The following DZIP3 variants were observed in gnomAD, a reference collection of about 807,000 sequenced individuals.
DZIP3 encodes DAZ interacting zinc finger protein 3.
Under a neutral mutation model 162.0 loss-of-function variants are expected in DZIP3, and 118 were observed. The ratio of observed to expected loss-of-function variants is 0.73; its 90% CI spans 0.63 to 0.85. The LOEUF is 0.85. DZIP3 is among the 40% of genes least tolerant of loss of function. The pLI is 0.00. For missense variants in DZIP3, 1,331 were observed against 1,407.0 expected (o/e 0.95, Z 0.86); for synonymous variants, 438 against 458.6 (o/e 0.96, Z 0.57).
At chr3:108,690,766 A>G (rs1944660515) in intron 31 of DZIP3, 21 bp from the exon 32 acceptor site, 3 of 1,609,788 alleles carry the variant, frequency 1.9e-6, no homozygotes, top group East Asian at 4.5e-5. Context: ...AGAGACTGAC[A>G]TAAATCTTTT....
intron 14 of DZIP3, among the ~76,000 whole-genome samples, chr3:108,645,920 G>A (rs1165945302): frequency 6.6e-6 from 1 of 152,156 alleles, no homozygotes; most frequent in East Asian, 1.9e-4. Flanking sequence ...TAATTCATGA[G>A]AATAGAGTAT....
chr3:108,642,342 A>G lies in DZIP3; in HGVS notation c.1065-96A>G, dbSNP rs567105673. On this transcript the variant is annotated intron_variant, in intron 12 of 32. Coordinates refer to ENST00000361582, the MANE Select transcript of DZIP3 (RefSeq NM_014648.4). ...CTTCTTGAATTATTTCTAGGAGAAG[A>G]TGAAAATACTCACTTAGCCATGCTC... 3.5e-5 allele frequency: 44 copies of G among 1,260,844 alleles called. 1 individual carries two copies. The South Asian group carries it at 6.2e-4, about 18-fold the overall frequency. The allele number at this position is 1,260,844 out of a possible 1,614,324, so 78.1% of individuals were successfully genotyped here. A position where few individuals can be genotyped will look rare whatever the true frequency, so the allele number is the denominator to read the frequency against.
At chr3:108,595,374 C>T (rs953927056) in intron 1 of DZIP3, among the ~76,000 whole-genome samples, 5 of 152,120 alleles carry the variant, frequency 3.3e-5, no homozygotes, top group Non-Finnish European at 7.4e-5. Context: ...TGCACCACCA[C>T]ACCTGCCTAA....
intron 1 of DZIP3, among the ~76,000 whole-genome samples, chr3:108,592,825 A>G (rs1413561038): frequency 6.6e-6 from 1 of 151,986 alleles, no homozygotes; most frequent in Non-Finnish European, 1.5e-5. Context: ...GTTTATTCTA[A>G]TAGAGATTGG....
intron 21 of DZIP3, among the ~76,000 whole-genome samples, chr3:108,663,556 C>CAA (rs200932139): frequency 0.018 from 1,896 of 104,624 alleles, 20 homozygotes; most frequent in Non-Finnish European, 0.027. Flanking sequence ...AAGTCTGTCT[C>CAA]AAAAAAAAAA....
At chr3:108,589,636 G>A (rs559183709), upstream of DZIP3, 133 of 336,252 alleles carry the variant, frequency 4.0e-4, 1 homozygote, top group Non-Finnish European at 3.3e-5. Flanking sequence ...CTGAGAGGCC[G>A]CGAGGTTTCG....
At chr3:108,686,046 A>G (rs1479319570) in intron 27 of DZIP3, among the ~76,000 whole-genome samples, 2 of 152,190 alleles carry the variant, frequency 1.3e-5, no homozygotes, top group East Asian at 3.8e-4. Context: ...TTCTCTATAG[A>G]TGTAAGGTTT....
chr3:108,631,814 A>G (rs1941904377), intron 8 of DZIP3, among the ~76,000 whole-genome samples: 9 of 151,056 alleles, frequency 6.0e-5, no homozygotes, highest in Admixed American at 5.9e-4. Context: ...TGTTAAGGAT[A>G]TTTCCTGTAT....
chr3:108,654,270 A>G lies in DZIP3; in HGVS notation c.2159A>G (p.Tyr720Cys), dbSNP rs1559760513. The change falls in exon 19 of 33, where the codon TAT becomes TGT. Residue 720 changes from tyrosine to cysteine, a missense_variant. Coordinates refer to ENST00000361582, the MANE Select transcript of DZIP3 (RefSeq NM_014648.4). ...QEDSAMEDKF[Y>C]SLDELHILDM... ...GATTCTGCAATGGAAGACAAGTTCT[A>G]TAGCCTGGATGAATTGCATATTCTG... is the stretch of plus-strand genomic sequence containing the variant. The G allele has an allele frequency of 6.2e-7, 1 of 1,613,802 alleles. No individual in the cohort carries two copies. The highest frequency in any genetic ancestry group is 8.5e-7 in the Non-Finnish European group (1 of 1,179,718).
Position 108,642,532 on chromosome 3 carries a change from T to C in DZIP3, c.1141+18T>C. ...TACAAAAGGTATTATTTTATTTTTA[T>C]ATGCCTTCTGTTGAAAAGTATGTTA... is the stretch of plus-strand genomic sequence containing the variant. On this transcript the variant is annotated intron_variant, in intron 13 of 32. Transcript: ENST00000361582. The C allele has an allele frequency of 7.0e-7, 1 of 1,437,456 alleles. No individual in the cohort carries two copies. Among genetic ancestry groups the C allele is most frequent in the South Asian group, 1.3e-5 (1 of 75,782 alleles). 89.0% of individuals were successfully genotyped at this position (1,437,456 alleles called of 1,614,324 possible).
chr3:108,641,236 A>T (rs1230210296), intron 12 of DZIP3, among the ~76,000 whole-genome samples: 3 of 151,996 alleles, frequency 2.0e-5, no homozygotes, highest in Non-Finnish European at 1.5e-5. Flanking sequence ...CATATGTTTT[A>T]CTTCTACTTA....
chr3:108,657,812 A>G (rs1004092233), intron 19 of DZIP3, among the ~76,000 whole-genome samples: 7 of 152,210 alleles, frequency 4.6e-5, no homozygotes, highest in Non-Finnish European at 7.3e-5. Flanking sequence ...AAGCAAATGG[A>G]AAACAAAAAA....
chr3:108,669,485 G>A (rs1447123627), intron 21 of DZIP3, among the ~76,000 whole-genome samples, 196 bp from the exon 22 acceptor site: 1 of 151,846 alleles, frequency 6.6e-6, no homozygotes, highest in African/African-American at 2.4e-5. Context: ...TCTTTGGGAA[G>A]TCAGTAAATC....
intron 1 of DZIP3, among the ~76,000 whole-genome samples, chr3:108,596,667 T>C (rs1278841732): frequency 6.6e-6 from 1 of 152,220 alleles, no homozygotes; most frequent in Non-Finnish European, 1.5e-5. Context: ...GCTCCCTCTT[T>C]ACATCTGCCT....
At chr3:108,674,026 T>G (rs1944013663) in intron 23 of DZIP3, 52 bp from the exon 24 acceptor site, 1 of 1,321,888 alleles carries the variant, frequency 7.6e-7, no homozygotes, top group Non-Finnish European at 1.1e-6. Context: ...AAGAGAATGT[T>G]CCTTTACAAG....
chr3:108,633,019 C>G lies in DZIP3; in HGVS notation c.763C>G (p.Leu255Val), dbSNP rs1205538472. The change falls in exon 9 of 33, where the codon CTA (leucine) becomes GTA (valine). Residue 255 changes from leucine (L) to valine (V), a missense_variant. Around this residue, in one of 2 missense-constraint regions of DZIP3, gnomAD observed 1,278 missense variants for 1,317.1 expected, o/e 0.97. Transcript: ENST00000361582. ...AATGAAGCAGACGATTTGTAGTTAC[C>G]TAGATTGTGAACGATCTTGTGAAGC... ...NIMKQTICSYLDCERSCEADI... is the reference protein window; with the variant it reads ...NIMKQTICSYVDCERSCEADI... The G allele has an allele frequency of 1.3e-6, 2 of 1,508,032 alleles. No homozygotes were observed. The highest frequency in any genetic ancestry group is 2.9e-5 in the South Asian group (2 of 69,390). The allele number at this position is 1,508,032 out of a possible 1,614,324, so 93.4% of individuals were successfully genotyped here.
At chr3:108,642,558 A>G in intron 13 of DZIP3, 44 bp downstream of exon 13, 1 of 1,404,708 alleles carries the variant, frequency 7.1e-7, no homozygotes, top group Non-Finnish European at 9.5e-7. Context: ...AAGTATGTTA[A>G]AATTTTTGAC....
At chr3:108,613,750 G>A (rs936446327) in intron 4 of DZIP3, among the ~76,000 whole-genome samples, 3 of 152,072 alleles carry the variant, frequency 2.0e-5, no homozygotes, top group Non-Finnish European at 4.4e-5. Flanking sequence ...CACAAAGCAA[G>A]CCCCATCAGA....
intron 1 of DZIP3, among the ~76,000 whole-genome samples, chr3:108,590,808 T>A (rs1939359105): frequency 6.6e-6 from 1 of 152,150 alleles, no homozygotes; most frequent in African/African-American, 2.4e-5. Flanking sequence ...CTTCATTAGG[T>A]AAAATCTGGC....
Sources: gnomAD v4.1 joint callset for allele counts (sites outside exome capture counted in the v4.1 genomes callset) on GRCh38, gnomAD v4.1.1 for gene constraint, gnomAD v4.1.1 regional missense constraint, MANE v1.5 for transcripts, NCBI Gene and HGNC (gene_info 2026-07-23, HGNC 2026-07-21) for gene names.